The following TTC6 variants were observed in gnomAD, a reference collection of about 807,000 sequenced individuals.
The protein encoded by TTC6 is tetratricopeptide repeat protein 6.
Under a neutral mutation model 210.4 loss-of-function variants are expected in TTC6, and 172 were observed. The observed-to-expected ratio is 0.82, with a 90% CI of 0.72 to 0.93. TTC6 has a LOEUF of 0.93. TTC6 is among the 40% of genes least tolerant of loss of function. TTC6 has a pLI of 0.00. For missense variants in TTC6, 2,414 were observed against 2,318.1 expected (o/e 1.04, Z -0.85); for synonymous variants, 804 against 819.6 (o/e 0.98, Z 0.32).
intron 11 of TTC6, 109 bp downstream of exon 13, chr14:37,749,510 T>A (rs1427392451): frequency 1.5e-5 from 18 of 1,186,172 alleles, no homozygotes; most frequent in Non-Finnish European, 1.8e-5. Flanking sequence ...GTATAGCATG[T>A]GGAATTATTA....
At chr14:37,842,397 A>G in exon 31 of TTC6, 1 of 1,047,260 alleles carries the variant, frequency 9.5e-7, no homozygotes, top group Non-Finnish European at 1.3e-6. Context: ...TGTATTCGTT[A>G]TGCTTAGTCT....
intron 27 of TTC6, among the ~76,000 whole-genome samples, chr14:37,824,689 A>T (rs1273454797): frequency 6.6e-6 from 1 of 152,214 alleles, no homozygotes; most frequent in Non-Finnish European, 1.5e-5. Flanking sequence ...GATGAGTTTT[A>T]GTATAACTTG....
chr14:37,735,859 C>T (rs1418993379), intron 7 of TTC6, 62 bp from the exon 10 acceptor site: 7 of 977,548 alleles, frequency 7.2e-6, no homozygotes, highest in East Asian at 2.6e-5. Flanking sequence ...AAGTAACAGT[C>T]ATCATAGGCT....
chr14:37,805,598 T>C (rs1000314144), intron 21 of TTC6, among the ~76,000 whole-genome samples: 1 of 152,220 alleles, frequency 6.6e-6, no homozygotes, highest in Admixed American at 6.5e-5. Flanking sequence ...ACAAATATTT[T>C]ACATGTTTTT....
At chr14:37,622,688 C>T in exon 1 of TTC6, 1 of 1,535,126 alleles carries the variant, frequency 6.5e-7, no homozygotes, top group East Asian at 2.4e-5. Context: ...CCAGCTCCGT[C>T]TCCGCAGAGG....
chr14:37,769,540 T>C (rs2096010976), intron 14 of TTC6, among the ~76,000 whole-genome samples: 1 of 152,208 alleles, frequency 6.6e-6, no homozygotes. Context: ...GGAGAGTGTA[T>C]GTGTCGAGGC....
chr14:37,793,447 G>T (rs935897746), intron 17 of TTC6, among the ~76,000 whole-genome samples: 7 of 152,186 alleles, frequency 4.6e-5, no homozygotes, highest in African/African-American at 1.7e-4. Flanking sequence ...ACAGAGGACT[G>T]CCTGGAGGCT....
At chr14:37,749,306 G>A in exon 11 of TTC6, 1 of 1,521,514 alleles carries the variant, frequency 6.6e-7, no homozygotes, top group Non-Finnish European at 8.8e-7. Flanking sequence ...AGAAATAAAT[G>A]ATAAGACAAA....
exon 10 of TTC6, chr14:37,739,089 G>A (rs1453688363): frequency 6.5e-7 from 1 of 1,530,172 alleles, no homozygotes; most frequent in South Asian, 1.2e-5. Context: ...TGGAAGAAAA[G>A]ATTGAAACAA....
At chr14:37,601,628 C>T (rs114902018) in intron 1 of TTC6, among the ~76,000 whole-genome samples, 21 of 152,304 alleles carry the variant, frequency 1.4e-4, no homozygotes, top group African/African-American at 4.6e-4. Context: ...CCTGGCACAG[C>T]GAACAGGGTC....
intron 2 of TTC6, 55 bp downstream of exon 4, chr14:37,680,316 C>A: frequency 8.7e-7 from 1 of 1,152,308 alleles, no homozygotes; most frequent in Non-Finnish European, 1.2e-6. Flanking sequence ...AGCATGCTTC[C>A]TGTTGCTTGA....
At chr14:37,619,665 A>C (rs2095648229), upstream of TTC6, among the ~76,000 whole-genome samples, 3 of 151,234 alleles carry the variant, frequency 2.0e-5, no homozygotes, top group Admixed American at 2.0e-4. Flanking sequence ...CCTTTTTCTC[A>C]CTTTCTCAGT....
exon 1 of TTC6, chr14:37,622,246 G>A (rs1042121368): frequency 4.6e-6 from 7 of 1,535,024 alleles, no homozygotes; most frequent in Non-Finnish European, 4.4e-6. Context: ...GGCCCGGCCC[G>A]CCCCGCGCGC....
chr14:37,773,751 G>T (rs2096028232), intron 14 of TTC6, among the ~76,000 whole-genome samples: 1 of 152,026 alleles, frequency 6.6e-6, no homozygotes, highest in African/African-American at 2.4e-5. Context: ...CTCTTTTTTG[G>T]TTCCATGTGA....
chr14:37,607,556 C>G (rs969081668), intron 2 of TTC6, among the ~76,000 whole-genome samples: 1 of 151,304 alleles, frequency 6.6e-6, no homozygotes, highest in African/African-American at 2.4e-5. Flanking sequence ...TTGCATACTT[C>G]TATGTAGGAA....
At chr14:37,776,120 G>A (rs2096036926) in intron 14 of TTC6, among the ~76,000 whole-genome samples, 1 of 79,304 alleles carries the variant, frequency 1.3e-5, no homozygotes, top group African/African-American at 4.3e-5. Context: ...GCGCAATCTC[G>A]GCTCACTGCA....
Position 37,739,863 on chromosome 14 carries a change from A to T in TTC6, c.2363+708A>T, listed in dbSNP as rs746566705. ...AAATTTTAAATTATTGAATTGAGTT[A>T]TAAATCTAGATAATTTTGGGCCCGG... On this transcript the variant is annotated intron_variant, in intron 10 of 30. Coordinates refer to ENST00000553443, the Ensembl canonical transcript of TTC6. Among the ~76,000 whole-genome samples the T allele has an allele frequency of 1.1e-3, 167 of 152,122 alleles. 2 individuals are homozygous for T. The highest frequency in any genetic ancestry group is 1.9e-3 in the Non-Finnish European group (130 of 68,020).
intron 20 of TTC6, among the ~76,000 whole-genome samples, chr14:37,801,671 G>GC (rs1263414647): frequency 6.6e-6 from 1 of 152,150 alleles, no homozygotes; most frequent in Admixed American, 6.5e-5. Flanking sequence ...TGGGACCTGA[G>GC]TGCAGCCAAC....
intron 5 of TTC6, among the ~76,000 whole-genome samples, chr14:37,712,171 C>T (rs2095845682): frequency 6.6e-6 from 1 of 152,162 alleles, no homozygotes; most frequent in African/African-American, 2.4e-5. Context: ...TTTCTTCCAA[C>T]CAATCCATAT....
Sources: gnomAD v4.1 joint callset for allele counts (sites outside exome capture counted in the v4.1 genomes callset) on GRCh38, gnomAD v4.1.1 for gene constraint, MANE v1.5 for transcripts, NCBI Gene and HGNC (gene_info 2026-07-23, HGNC 2026-07-21) for gene names.